TTN: variants seen among roughly 807,000 people sequenced by gnomAD.
TTN encodes the protein connectin.
In TTN, 1,525 loss-of-function variants were observed where a neutral mutation model predicts 3,223.0. The ratio of observed to expected loss-of-function variants is 0.47; its 90% confidence interval spans 0.45 to 0.49. The LOEUF (loss-of-function observed/expected upper bound fraction) is 0.49. Ranked by LOEUF, TTN falls within the 20% of genes least tolerant of loss-of-function variation. The pLI is 0.00. For missense variants in TTN, 40,786 were observed against 43,424.0 expected, an observed-to-expected ratio of 0.94 and a Z score of 5.40; for synonymous variants, 14,094 against 15,161.0, an observed-to-expected ratio of 0.93 and a Z score of 5.17.
chr2:178,590,678 A>G lies in TTN; in HGVS notation c.61047T>C (p.Asn20349=). The G allele has an allele frequency of 6.2e-7, 1 of 1,613,172 alleles. No individual in the cohort carries two copies. Among genetic ancestry groups the G allele is most frequent in the Non-Finnish European group, 8.5e-7 (1 of 1,179,444 alleles). Residue 20349 remains asparagine, a synonymous_variant, in exon 304 of 363, where the codon AAT becomes AAC. Transcript: ENST00000589042. ...GGGATGGTTTGCTTAGTCCTGCAAGATTTTCAGCAAAAACTCTAAACTCAT... is the reference window on the plus strand; with the variant it reads ...GGGATGGTTTGCTTAGTCCTGCAAGGTTTTCAGCAAAAACTCTAAACTCAT... ...NTYEFRVFAE[N]LAGLSKPSPS...
chr2:178,705,940 A>C (rs1402598349), intron 102 of TTN, among the ~76,000 whole-genome samples: 1 of 152,176 alleles, frequency 6.6e-6, no homozygotes, highest in Non-Finnish European at 1.5e-5. Context: ...TTTGTTTAAA[A>C]ATCTTAATAG....
Position 178,578,635 on chromosome 2 carries a change from TC to T in TTN, c.68304del (p.Thr22770LeufsTer29). On this transcript the variant is annotated frameshift_variant, in exon 321 of 363. Coordinates refer to ENST00000589042, the MANE Select transcript of TTN (RefSeq NM_001267550.2). LOFTEE classifies it high-confidence loss of function. ...DSVSLTWTDP[K>X]KTGGSPITGY... ...CCTGTAATTGGAGAACCACCAGTTT[TC>T]TTGGGGTCAGTCCAAGTTAGAGATA... The T allele has an allele frequency of 6.2e-7, 1 of 1,611,852 alleles. No homozygotes were observed. Among genetic ancestry groups the T allele is most frequent in the Non-Finnish European group, 8.5e-7 (1 of 1,178,890 alleles).
At chr2:178,750,809 A>G (rs1204807006) in intron 47 of TTN, 2 of 1,613,014 alleles carry the variant, frequency 1.2e-6, no homozygotes, top group East Asian at 2.2e-5. Context: ...AGTCTCATAT[A>G]CTTCCTCCTT....
Position 178,644,624 on chromosome 2 carries a change from G to T in TTN, c.40409-8C>A, listed in dbSNP as rs1351493193. The T allele has an allele frequency of 1.1e-5, 17 of 1,539,984 alleles. No individual in the cohort carries two copies. The highest frequency in any genetic ancestry group is 1.3e-5 in the Non-Finnish European group (15 of 1,147,146). ...CTTTCTTCTTTGGAATAGCTTTAAAGAATATGATTTTACTTTTGTTATTTG... is the reference window on the plus strand; with the variant it reads ...CTTTCTTCTTTGGAATAGCTTTAAATAATATGATTTTACTTTTGTTATTTG... On this transcript the variant is annotated splice_region_variant and splice_polypyrimidine_tract_variant and intron_variant, in intron 217 of 362. Transcript: ENST00000589042.
chr2:178,590,067 T>A lies in TTN; in HGVS notation c.61658A>T (p.Asn20553Ile). 1 of 1,613,222 alleles carries A rather than the reference T, an allele frequency of 6.2e-7. No individual in the cohort carries two copies. ...TGAACCTTGGGCATGTCCACTGCTG[T>A]TCTTAGCTGAGATGATATACTTGCC... ...DHGKYIISAK[N>I]SSGHAQGSAI... is the part of the protein sequence containing the mutation. The change falls in exon 304 of 363, where the codon AAC becomes ATC. Residue 20553 changes from asparagine (N) to isoleucine (I), a missense_variant. Coordinates refer to ENST00000589042, the MANE Select transcript of TTN (RefSeq NM_001267550.2).
chr2:178,747,233 C>T, intron 47 of TTN: 2 of 1,612,682 alleles, frequency 1.2e-6, no homozygotes, highest in Non-Finnish European at 1.7e-6. Flanking sequence ...TAGTGTCTCC[C>T]CTGGGGGTGT....
rs956873465 is a variant in TTN, at chr2:178,575,554, G to A, written c.70578C>T (p.Pro23526=). 43 of 1,613,598 alleles carry A rather than the reference G, an allele frequency of 2.7e-5. No individual in the cohort carries two copies. Among genetic ancestry groups the A allele is most frequent in the Non-Finnish European group, 3.1e-5 (36 of 1,179,622 alleles). The part of the protein sequence containing the change: ...GIGEPTETTE[P]VKASEAPSPP... ...GAGATGGTGCTTCAGAGGCTTTTAC[G>A]GGCTCTGTAGTTTCTGTTGGCTCAC... Residue 23526 remains proline, a synonymous_variant, in exon 326 of 363, where the codon CCC becomes CCT. Coordinates refer to ENST00000589042, the MANE Select transcript of TTN (RefSeq NM_001267550.2). This position sits in a 1 kb window ranked among gnomAD's most constrained non-coding sequence, Gnocchi z 4.0.
intron 43 of TTN, among the ~76,000 whole-genome samples, chr2:178,761,569 A>G (rs2089209595): frequency 1.3e-5 from 2 of 152,132 alleles, no homozygotes; most frequent in South Asian, 2.1e-4. Flanking sequence ...ATGATCCTAC[A>G]TATTTTTCAA....
In TTN at chr2:178,611,050, T is replaced by A. The variant is rs770809063; in HGVS notation, c.51079A>T (p.Ile17027Phe). The part of the protein sequence containing the change: ...SVRADAGIYT[I>F]TLENKLGSAT... ...GAGCCGAGCTTATTCTCCAGTGTAA[T>A]GGTATAAATTCCGGCATCTGCACGG... The change falls in exon 270 of 363, where the codon ATT (isoleucine) becomes TTT (phenylalanine). Residue 17027 changes from isoleucine (I) to phenylalanine (F), a missense_variant. Physicochemically the swap from Ile to Phe is conservative, Grantham distance 21. Transcript: ENST00000589042. 5 of 1,612,672 alleles carry A rather than the reference T, an allele frequency of 3.1e-6. No homozygotes were observed. The highest frequency in any genetic ancestry group is 4.2e-6 in the Non-Finnish European group (5 of 1,179,154).
rs375425113 is a variant in TTN at position 178,775,426 on chromosome 2, A to C, written c.6438T>G (p.Ser2146=). The C allele has an allele frequency of 1.2e-6, 2 of 1,613,952 alleles. No individual in the cohort carries two copies. The highest frequency in any genetic ancestry group is 1.1e-5 in the South Asian group (1 of 91,088). ...TGATGGCTTTTACCATGATGCTGGC[A>C]GAGTCCTCAGCAGTCACATCTCTTA... The part of the protein sequence containing the change: ...LVIRDVTAED[S]ASIMVKAINI... The change falls in exon 28 of 363, where the codon TCT becomes TCG. Residue 2146 remains serine, a synonymous_variant. Coordinates refer to ENST00000589042, the MANE Select transcript of TTN (RefSeq NM_001267550.2).
chr2:178,576,072 G>GGCA lies in TTN; in HGVS notation c.70059_70060insTGC (p.Thr23353_Leu23354insCys). The GGCA allele has an allele frequency of 1.2e-6, 2 of 1,613,482 alleles. No homozygotes were observed. Among genetic ancestry groups the GGCA allele is most frequent in the Non-Finnish European group, 1.7e-6 (2 of 1,179,608 alleles). ...ATACTGAGTCCTGCTCTAACAACAA[G>GGCA]TGTTCTTCGAAGCTCGGCATCTAGT... is the stretch of plus-strand genomic sequence containing the variant. On this transcript the variant is annotated inframe_insertion, in exon 326 of 363. Coordinates refer to ENST00000589042, the MANE Select transcript of TTN (RefSeq NM_001267550.2). The surrounding 1 kb of genome is among the most constrained non-coding windows in gnomAD (Gnocchi z 4.3).
intron 34 of TTN, 54 bp downstream of exon 34, chr2:178,771,157 A>G (rs1372725848): frequency 4.3e-6 from 7 of 1,611,234 alleles, no homozygotes; most frequent in Non-Finnish European, 5.9e-6. Flanking sequence ...TTTTAAAACG[A>G]TAACGATCAA....
chr2:178,742,056 T>G (rs2082586929), intron 47 of TTN, 135 bp from the exon 48 acceptor site: 1 of 740,504 alleles, frequency 1.4e-6, no homozygotes, highest in East Asian at 3.6e-5. Context: ...CCAAGATTAA[T>G]GTATCAAAAA....
At chr2:178,782,080 C>A (rs2092827253) in intron 20 of TTN, 132 bp downstream of exon 20, 7 of 1,127,932 alleles carry the variant, frequency 6.2e-6, no homozygotes, top group Middle Eastern at 2.9e-4. Context: ...AAAAATACCT[C>A]AAAACAAACT....
chr2:178,551,990 T>C lies in TTN; in HGVS notation c.90910A>G (p.Arg30304Gly). ...EYQFRVRAEN[R>G]YGVSQPLVSS... ...ACAAGTGGTTGGCTGACTCCGTATC[T>C]GTTTTCTGCTCTCACTCTAAACTGG... The change falls in exon 335 of 363, where the codon AGA (arginine) becomes GGA (glycine). Residue 30304 changes from arginine (R) to glycine (G), a missense_variant. Arg to Gly is a moderately radical substitution (Grantham distance 125). Transcript: ENST00000589042. The C allele has an allele frequency of 1.2e-6, 2 of 1,611,792 alleles. No individual in the cohort carries two copies. Among genetic ancestry groups the C allele is most frequent in the South Asian group, 1.1e-5 (1 of 90,980 alleles).
rs199618831 is a variant in TTN at position 178,544,501 on chromosome 2, G to A, written c.95728C>T (p.Pro31910Ser). The A allele has an allele frequency of 1.9e-6, 3 of 1,587,852 alleles. No homozygotes were observed. The highest frequency in any genetic ancestry group is 3.4e-4 in the Middle Eastern group (2 of 5,930). ...FISCREPSYT[P>S]GPPSAPRVVD... The stretch of plus-strand genomic sequence containing the variant: ...ACTCTTGGAGCAGAAGGTGGTCCAG[G>A]GGTATCTGTGGAATTTAAAAAGTGA... Residue 31910 changes from proline to serine, a missense_variant, in exon 345 of 363, where the codon CCT becomes TCT. Coordinates refer to ENST00000589042, the MANE Select transcript of TTN (RefSeq NM_001267550.2).
Position 178,698,890 on chromosome 2 carries a change from T to G in TTN, c.30707A>C (p.Asp10236Ala), listed in dbSNP as rs539986891. 28 of 1,533,002 alleles carry G rather than the reference T, an allele frequency of 1.8e-5. 1 individual carries two copies. In the African/African-American group the frequency reaches 3.1e-4, roughly 17 times the overall value. 95.0% of individuals were successfully genotyped at this position (1,533,002 alleles called of 1,614,324 possible). A position where few individuals can be genotyped will look rare whatever the true frequency, so the allele number is the denominator to read the frequency against. Residue 10236 changes from aspartate to alanine, a missense_variant, in exon 112 of 363, where the codon GAT (aspartate) becomes GCT (alanine). Physicochemically the swap from Asp to Ala is moderately radical, Grantham distance 126. Transcript: ENST00000589042. ...GGGCTTTGCAACAACTTTTTTGGCA[T>G]CTTTCTTCACAGCCTTTTTGGTAAC... is the stretch of plus-strand genomic sequence containing the variant. ...IEVTKKAVKK[D>A]AKKVVAKPKE... is the part of the protein sequence containing the mutation.
At position 178,624,485 on chromosome 2, in the gene TTN, G is replaced by A; in HGVS notation, c.44795C>T (p.Ser14932Phe). ...CTTACGCACGACATTCAGGTTACAGGAAGTCTTAAAATCCTTAGCATCACA... is the reference window on the plus strand; with the variant it reads ...CTTACGCACGACATTCAGGTTACAGAAAGTCTTAAAATCCTTAGCATCACA... ...YTCDAKDFKT[S>F]CNLNVVPPHV... Residue 14932 changes from serine (S) to phenylalanine (F), a missense_variant, in exon 242 of 363, where the codon TCC (serine) becomes TTC (phenylalanine). Physicochemically the swap from Ser to Phe is radical, Grantham distance 155. Transcript: ENST00000589042. The A allele has an allele frequency of 6.2e-7, 1 of 1,612,494 alleles. No individual in the cohort carries two copies. Among genetic ancestry groups the A allele is most frequent in the Non-Finnish European group, 8.5e-7 (1 of 1,178,962 alleles).
chr2:178,729,693 G>A lies in TTN; in HGVS notation c.18560C>T (p.Ala6187Val), dbSNP rs758380777. The A allele has an allele frequency of 7.4e-6, 12 of 1,613,542 alleles. No individual in the cohort carries two copies. The highest frequency in any genetic ancestry group is 5.5e-5 in the South Asian group (5 of 91,068). ...VCEARNDAGT[A>V]SCSIELKVKE... ...CACTTTGAGTTCAATGCTGCAGCTC[G>A]CCGTGCCTGCGTCATTTCGAGCTTC... Residue 6187 changes from alanine (A) to valine (V), a missense_variant, in exon 63 of 363, where the codon GCG (alanine) becomes GTG (valine). Physicochemically the swap from Ala to Val is moderately conservative, Grantham distance 64. Transcript: ENST00000589042.
Sources: allele counts gnomAD v4.1 joint callset (sites outside exome capture counted in the v4.1 genomes callset), GRCh38; gene constraint gnomAD v4.1.1; non-coding constraint Gnocchi (gnomAD v3.1); transcripts MANE v1.5; gene names NCBI Gene and HGNC (gene_info 2026-07-23, HGNC 2026-07-21).